The following RAPGEF2 variants were observed in gnomAD, a reference collection of about 807,000 sequenced individuals.
The protein encoded by RAPGEF2 is Rap guanine nucleotide exchange factor 2.
In RAPGEF2, 54 loss-of-function variants were observed where a neutral mutation model predicts 186.7. The observed-to-expected ratio is 0.29, with a 90% confidence interval of 0.23 to 0.36. The LOEUF (loss-of-function observed/expected upper bound fraction) is 0.36, where lower values mean the gene tolerates loss of function less well. RAPGEF2 is among the 10% of genes least tolerant of loss of function. The probability of loss-of-function intolerance (pLI) is 1.00; values close to 1 mark genes in which losing one functional copy is unlikely to be tolerated. For missense variants in RAPGEF2, 1,532 were observed against 2,045.0 expected, an observed-to-expected ratio of 0.75 and a Z score of 4.84; for synonymous variants, 712 against 705.9, an observed-to-expected ratio of 1.01 and a Z score of -0.14.
intron 4 of RAPGEF2, among the ~76,000 whole-genome samples, chr4:159,231,212 A>G (rs535893428): frequency 1.3e-5 from 2 of 152,144 alleles, no homozygotes; most frequent in Non-Finnish European, 2.9e-5. Flanking sequence ...AGGCTGTATC[A>G]TCTAGCCTAG....
chr4:159,192,119 C>T (rs557894046), intron 2 of RAPGEF2, among the ~76,000 whole-genome samples: 1 of 152,274 alleles, frequency 6.6e-6, no homozygotes, highest in Non-Finnish European at 1.5e-5. Flanking sequence ...CTTTTGGCTA[C>T]CATCTTTTCC....
chr4:159,330,106 T>C, intron 12 of RAPGEF2, 96 bp downstream of exon 12: 1 of 1,267,802 alleles, frequency 7.9e-7, no homozygotes, highest in South Asian at 1.5e-5. Flanking sequence ...TAGGCCTATC[T>C]CTTAAAGGTT....
At chr4:159,306,237 GAT>G (rs954086878) in intron 8 of RAPGEF2, among the ~76,000 whole-genome samples, 66 of 151,884 alleles carry the variant, frequency 4.3e-4, no homozygotes, top group African/African-American at 1.4e-3. Context: ...TCATTTTAAT[GAT>G]ATTAATTCTT....
intron 3 of RAPGEF2, among the ~76,000 whole-genome samples, chr4:159,201,413 G>A (rs1464273369): frequency 6.6e-6 from 1 of 152,184 alleles, no homozygotes; most frequent in Non-Finnish European, 1.5e-5. Flanking sequence ...TAGCTATTAT[G>A]GTTGAAAGAG....
chr4:159,337,714 C>G (rs777829486), intron 17 of RAPGEF2, among the ~76,000 whole-genome samples: 2 of 149,174 alleles, frequency 1.3e-5, no homozygotes, highest in Non-Finnish European at 3.0e-5. Flanking sequence ...ATGGTGAAAC[C>G]CCATCTCTAC....
chr4:159,281,265 C>G (rs1759666301), intron 7 of RAPGEF2, among the ~76,000 whole-genome samples: 1 of 151,980 alleles, frequency 6.6e-6, no homozygotes, highest in African/African-American at 2.4e-5. Flanking sequence ...GCTGGGATTA[C>G]AGGTGTGAGC....
intron 3 of RAPGEF2, among the ~76,000 whole-genome samples, chr4:159,202,376 T>C (rs1749528104): frequency 1.3e-5 from 2 of 152,148 alleles, no homozygotes. Flanking sequence ...TCCAGTTTGC[T>C]TAGATTTTGC....
At chr4:159,126,921 T>A in intron 1 of RAPGEF2, among the ~76,000 whole-genome samples, 1 of 152,240 alleles carries the variant, frequency 6.6e-6, no homozygotes, top group East Asian at 1.9e-4. Context: ...AGAACAATAA[T>A]CTCACACTAT....
chr4:159,183,354 A>C (rs564370726), intron 1 of RAPGEF2, among the ~76,000 whole-genome samples: 2 of 152,360 alleles, frequency 1.3e-5, no homozygotes, highest in Admixed American at 1.3e-4. Flanking sequence ...GTTCCAGGAC[A>C]ACTGATATGC....
rs115382280 is a variant in RAPGEF2 at position 159,349,846 on chromosome 4, A to G, written c.3713-291A>G. 7.7e-3 allele frequency among the ~76,000 whole-genome samples: 1,176 copies of G among 152,318 alleles called. 13 individuals are homozygous for G. The highest frequency in any genetic ancestry group is 0.027 in the African/African-American group (1,106 of 41,570). On this transcript the variant is annotated intron_variant, in intron 25 of 29. Coordinates refer to ENST00000691494, the MANE Select transcript of RAPGEF2 (RefSeq NM_001394067.2). ...TCATTGTTGCCTAACATATTGTTGA[A>G]TAAAGATGGTGACTACTTCAAAGTT...
At chr4:159,133,681 T>G (rs893616381) in intron 1 of RAPGEF2, among the ~76,000 whole-genome samples, 1 of 152,138 alleles carries the variant, frequency 6.6e-6, no homozygotes, top group African/African-American at 2.4e-5. Flanking sequence ...CCTCCCGGGT[T>G]CATGCCATTC....
chr4:159,341,838 C>G lies in RAPGEF2; in HGVS notation c.2809C>G (p.Leu937Val), dbSNP rs1421332098. ...QETFWVASEILRETNQLKRMK... is the reference protein window; with the variant it reads ...QETFWVASEIVRETNQLKRMK... ...AACATTTTGGGTAGCATCTGAAATT[C>G]TCAGAGAAACAAACCAGCTGAAGAG... The change falls in exon 20 of 30, where the codon CTC becomes GTC. Residue 937 changes from leucine (L) to valine (V), a missense_variant. Leu to Val is a conservative substitution (Grantham distance 32). Coordinates refer to ENST00000691494, the MANE Select transcript of RAPGEF2 (RefSeq NM_001394067.2). 4 of 1,612,910 alleles carry G rather than the reference C, an allele frequency of 2.5e-6. No homozygotes were observed. The highest frequency in any genetic ancestry group is 2.7e-5 in the African/African-American group (2 of 74,606).
At chr4:159,286,017 A>T (rs1355478683) in intron 7 of RAPGEF2, among the ~76,000 whole-genome samples, 1 of 148,208 alleles carries the variant, frequency 6.7e-6, no homozygotes, top group Non-Finnish European at 1.5e-5. Context: ...CTTAACACTT[A>T]ACTGTTCCCC....
intron 2 of RAPGEF2, among the ~76,000 whole-genome samples, chr4:159,192,313 AG>A (rs1748210886): frequency 6.6e-6 from 1 of 152,288 alleles, no homozygotes; most frequent in African/African-American, 2.4e-5. Flanking sequence ...AAGGAAAAAA[AG>A]TACCAAAGAG....
intron 1 of RAPGEF2, among the ~76,000 whole-genome samples, chr4:159,137,721 A>AAAC (rs1346607783): frequency 6.6e-6 from 1 of 151,714 alleles, no homozygotes; most frequent in Non-Finnish European, 1.5e-5. Context: ...AAAAAAAAAA[A>AAAC]AAAAACCTGC....
chr4:159,170,130 G>C (rs1322263328), intron 1 of RAPGEF2, among the ~76,000 whole-genome samples: 1 of 148,932 alleles, frequency 6.7e-6, no homozygotes, highest in Non-Finnish European at 1.5e-5. Context: ...GTTTTGTTGT[G>C]GTTTTAATTT....
intron 5 of RAPGEF2, 187 bp from the exon 6 acceptor site, chr4:159,241,014 G>T (rs1753924977): frequency 4.3e-6 from 2 of 470,118 alleles, no homozygotes; most frequent in Non-Finnish European, 7.4e-6. Flanking sequence ...CCTCATAAAA[G>T]AAATGTTACT....
chr4:159,254,679 G>A (rs982216114), intron 7 of RAPGEF2, among the ~76,000 whole-genome samples: 9 of 144,734 alleles, frequency 6.2e-5, no homozygotes, highest in African/African-American at 1.8e-4. Flanking sequence ...CACAATCTCC[G>A]CTCACTGCAA....
At chr4:159,212,392 A>T (rs1235759893) in intron 4 of RAPGEF2, among the ~76,000 whole-genome samples, 1 of 152,204 alleles carries the variant, frequency 6.6e-6, no homozygotes, top group Non-Finnish European at 1.5e-5. Flanking sequence ...TAAAAGTAGT[A>T]ATTACTACAT....
Sources: allele counts gnomAD v4.1 joint callset (sites outside exome capture counted in the v4.1 genomes callset), GRCh38; gene constraint gnomAD v4.1.1; transcripts MANE v1.5; gene names NCBI Gene and HGNC (gene_info 2026-07-23, HGNC 2026-07-21).